The following EXOG variants were observed in gnomAD, a reference collection of about 807,000 sequenced individuals.
EXOG encodes the protein nuclease EXOG, mitochondrial.
Under a neutral mutation model 25.8 loss-of-function variants are expected in EXOG, and 27 were observed. The ratio of observed to expected loss-of-function variants is 1.05; its 90% CI spans 0.77 to 1.45. The LOEUF is 1.45. EXOG is among the 40% of genes most tolerant of loss of function. EXOG has a pLI of 0.00. For synonymous variants in EXOG, 133 were observed against 167.0 expected (o/e 0.80, Z 1.57); for missense variants, 458 against 450.5 (o/e 1.02, Z -0.15).
intron 4 of EXOG, among the ~76,000 whole-genome samples, chr3:38,505,009 C>T (rs2060160829): frequency 6.6e-6 from 1 of 152,164 alleles, no homozygotes; most frequent in Non-Finnish European, 1.5e-5. Flanking sequence ...TAGCAGATTG[C>T]AGATATTTTA....
intron 3 of EXOG, among the ~76,000 whole-genome samples, chr3:38,502,650 A>G (rs986980875): frequency 2.6e-5 from 4 of 152,158 alleles, no homozygotes; most frequent in African/African-American, 7.2e-5. Flanking sequence ...ATTTTTATAT[A>G]TTTGTGCAGT....
chr3:38,497,163 A>G, intron 1 of EXOG: 1 of 1,004,880 alleles, frequency 1.0e-6, no homozygotes, highest in Non-Finnish European at 1.2e-6. Context: ...CTTGGCATCT[A>G]GCAAGAGAAC....
chr3:38,496,380 A>G lies in EXOG; in HGVS notation c.13A>G (p.Ser5Gly). Residue 5 changes from serine (S) to glycine (G), a missense_variant, in exon 1 of 6, where the codon AGT becomes GGT. This residue lies in a region of EXOG where 275 missense variants were observed against 230.5 expected (regional missense o/e 1.19). Coordinates refer to ENST00000287675, the MANE Select transcript of EXOG (RefSeq NM_005107.4). MAIK[S>G]IASRLRGSRR... ...TACCTCGGGCAAGATGGCTATCAAG[A>G]GTATCGCTTCCCGCCTCCGGGGTTC... 1 of 1,613,612 alleles carries G rather than the reference A, an allele frequency of 6.2e-7. No individual in the cohort carries two copies. Among genetic ancestry groups the G allele is most frequent in the Non-Finnish European group, 8.5e-7 (1 of 1,179,778 alleles).
chr3:38,517,630 A>G lies in EXOG; in HGVS notation c.646-6271A>G, dbSNP rs564370580. On this transcript the variant is annotated intron_variant, in intron 5 of 5. Transcript: ENST00000287675. ...TGGAGAGAGCCCCAAAGCTCGTAGT[A>G]TATGGATTCCATTGCCTTTAGTGGC... Among the ~76,000 whole-genome samples the G allele has an allele frequency of 7.2e-5, 11 of 152,310 alleles. No homozygotes were observed. In the East Asian group the frequency reaches 1.7e-3, roughly 24 times the overall value.
chr3:38,500,751 A>C (rs2060021194), intron 2 of EXOG, among the ~76,000 whole-genome samples: 1 of 152,212 alleles, frequency 6.6e-6, no homozygotes, highest in Admixed American at 6.5e-5. Flanking sequence ...AAAATAAATA[A>C]AATCTGAGAT....
At chr3:38,496,701 C>A in intron 1 of EXOG, 171 bp downstream of exon 1, 1 of 1,442,102 alleles carries the variant, frequency 6.9e-7, no homozygotes, top group South Asian at 1.5e-5. Context: ...TTCCCCACCT[C>A]GCGTCTCGCC....
chr3:38,520,639 A>T (rs2060687485), intron 5 of EXOG, among the ~76,000 whole-genome samples: 1 of 152,124 alleles, frequency 6.6e-6, no homozygotes, highest in East Asian at 1.9e-4. Context: ...CATCTTTTGT[A>T]CCAAATGCCG....
Position 38,506,976 on chromosome 3 carries a change from T to G in EXOG, c.645+8T>G. On this transcript the variant is annotated splice_region_variant and intron_variant, in intron 5 of 5. Coordinates refer to ENST00000287675, the MANE Select transcript of EXOG (RefSeq NM_005107.4). Reference sequence around the variant, plus strand: ...AAAATAGTTAGTTACCAGGTAAGGATGTTTAATAGTCAGGTTTATGTTATC... The same window carrying G: ...AAAATAGTTAGTTACCAGGTAAGGAGGTTTAATAGTCAGGTTTATGTTATC... The G allele has an allele frequency of 8.9e-7, 1 of 1,120,674 alleles. No individual in the cohort carries two copies. The highest frequency in any genetic ancestry group is 1.4e-6 in the Non-Finnish European group (1 of 732,748). 69.4% of individuals were successfully genotyped at this position (1,120,674 alleles called of 1,614,324 possible).
Position 38,506,831 on chromosome 3 carries a change from A to G in EXOG, c.531-23A>G, listed in dbSNP as rs1321463502. On this transcript the variant is annotated intron_variant, in intron 4 of 5. Coordinates refer to ENST00000287675, the MANE Select transcript of EXOG (RefSeq NM_005107.4). ...ACATGTATATATGTGAGAATATCAT[A>G]CATTTTTTTATTTGTTTTTCAGAAT... 3 of 1,172,728 alleles carry G rather than the reference A, an allele frequency of 2.6e-6. No individual in the cohort carries two copies. The African/African-American group carries it at 4.5e-5, about 18-fold the overall frequency. 72.6% of individuals were successfully genotyped at this position (1,172,728 alleles called of 1,614,324 possible).
Position 38,496,373 on chromosome 3 carries a change from T to A in EXOG, c.6T>A (p.Ala2=), listed in dbSNP as rs368861888. 15 of 1,613,330 alleles carry A rather than the reference T, an allele frequency of 9.3e-6. No homozygotes were observed. In the African/African-American group the frequency reaches 1.9e-4, roughly 20 times the overall value. Reference sequence around the variant, plus strand: ...AGGCCGGTACCTCGGGCAAGATGGCTATCAAGAGTATCGCTTCCCGCCTCC... The same window carrying A: ...AGGCCGGTACCTCGGGCAAGATGGCAATCAAGAGTATCGCTTCCCGCCTCC... M[A]IKSIASRLRG... The change falls in exon 1 of 6, where the codon GCT becomes GCA. Residue 2 remains alanine, a synonymous_variant. Coordinates refer to ENST00000287675, the MANE Select transcript of EXOG (RefSeq NM_005107.4).
At position 38,524,566 on chromosome 3, in the gene EXOG, C is replaced by G; in HGVS notation, c.*204C>G. 1 of 1,258,858 alleles carries G rather than the reference C, an allele frequency of 7.9e-7. No homozygotes were observed. Among genetic ancestry groups the G allele is most frequent in the Non-Finnish European group, 1.0e-6 (1 of 984,932 alleles). The allele number at this position is 1,258,858 out of a possible 1,614,324, so 78.0% of individuals were successfully genotyped here. A position where few individuals can be genotyped will look rare whatever the true frequency, so the allele number is the denominator to read the frequency against. On this transcript the variant is annotated 3_prime_UTR_variant, in exon 6 of 6. Coordinates refer to ENST00000287675, the MANE Select transcript of EXOG (RefSeq NM_005107.4). The stretch of plus-strand genomic sequence containing the variant: ...AAACTTCTGGGCTTAAGCAATCCTC[C>G]TGCCTCTGCCCCCTGAGCAGCTGGG...
At chr3:38,501,858 G>T (rs1297160879) in intron 3 of EXOG, among the ~76,000 whole-genome samples, 1 of 152,166 alleles carries the variant, frequency 6.6e-6, no homozygotes, top group Admixed American at 6.5e-5. Flanking sequence ...CAATTCCTGT[G>T]CCTCAGCCTC....
Position 38,525,353 on chromosome 3 carries a change from T to A in EXOG, c.*991T>A. 2 of 985,216 alleles carry A rather than the reference T, an allele frequency of 2.0e-6. No homozygotes were observed. Among genetic ancestry groups the A allele is most frequent in the Non-Finnish European group, 2.4e-6 (2 of 829,734 alleles). 61.0% of individuals were successfully genotyped at this position (985,216 alleles called of 1,614,324 possible). A position where few individuals can be genotyped will look rare whatever the true frequency, so the allele number is the denominator to read the frequency against. ...TGGATGGTGGCTTTTTACTCAGAAA[T>A]ATATACCTATTTCCATGGGTATTTG... On this transcript the variant is annotated 3_prime_UTR_variant, in exon 6 of 6. Coordinates refer to ENST00000287675, the MANE Select transcript of EXOG (RefSeq NM_005107.4).
At chr3:38,507,059 A>C in intron 5 of EXOG, 91 bp downstream of exon 5, 1 of 552,224 alleles carries the variant, frequency 1.8e-6, no homozygotes, top group Non-Finnish European at 3.1e-6. Flanking sequence ...TTTATCATTC[A>C]AAAAAAATTT....
intron 5 of EXOG, among the ~76,000 whole-genome samples, chr3:38,522,497 T>TTTTTG (rs927534846): frequency 5.1e-4 from 77 of 152,300 alleles, no homozygotes; most frequent in South Asian, 1.7e-3. Flanking sequence ...CAAAAAAGCC[T>TTTTTG]TTTTGTTTTG....
Position 38,498,177 on chromosome 3 carries a change from C to G in EXOG, c.313+399C>G, listed in dbSNP as rs576643175. 4.6e-5 allele frequency among the ~76,000 whole-genome samples: 7 copies of G among 152,162 alleles called. No homozygotes were observed. In the South Asian group the frequency reaches 1.5e-3, roughly 32 times the overall value. On this transcript the variant is annotated intron_variant, in intron 2 of 5. Transcript: ENST00000287675. ...CTTTGAGTTGGGAGAGTGGGTTGAC[C>G]CATCAAACAAATAATTTTAGATGTA... is the stretch of plus-strand genomic sequence containing the variant.
chr3:38,520,850 C>A (rs1345887277), intron 5 of EXOG, among the ~76,000 whole-genome samples: 1 of 152,126 alleles, frequency 6.6e-6, no homozygotes, highest in Non-Finnish European at 1.5e-5. Flanking sequence ...TGGGTGGACG[C>A]GACTTGCAGC....
intron 1 of EXOG, chr3:38,496,926 TTCAG>T (rs974986572): frequency 1.7e-6 from 2 of 1,164,794 alleles, no homozygotes; most frequent in African/African-American, 3.3e-5. Context: ...ATAATTGGCA[TTCAG>T]TAAGTATGAA....
intron 5 of EXOG, among the ~76,000 whole-genome samples, chr3:38,516,613 A>C (rs6599208): frequency 0.5 from 75,550 of 151,986 alleles, 20,402 homozygotes; most frequent in African/African-American, 0.72. Flanking sequence ...ATTCGTGAAA[A>C]AACATATAGA....
Sources: allele counts gnomAD v4.1 joint callset (sites outside exome capture counted in the v4.1 genomes callset), GRCh38; gene constraint gnomAD v4.1.1; regional missense constraint gnomAD v4.1.1; transcripts MANE v1.5; gene names NCBI Gene and HGNC (gene_info 2026-07-23, HGNC 2026-07-21).